ACTN4: variants seen among roughly 807,000 people sequenced by gnomAD.
The protein encoded by ACTN4 is actinin alpha 4.
In ACTN4, 18 loss-of-function variants were observed where a neutral mutation model predicts 114.2. The observed-to-expected ratio is 0.16, with a 90% CI of 0.11 to 0.23. The LOEUF is 0.23. ACTN4 is among the 10% of genes least tolerant of loss of function. The pLI is 1.00. For missense variants in ACTN4, 722 were observed against 1,262.9 expected, an observed-to-expected ratio of 0.57 and a Z score of 6.49; for synonymous variants, 515 against 506.3, an observed-to-expected ratio of 1.02 and a Z score of -0.23.
Position 38,701,072 on chromosome 19 carries a change from G to A in ACTN4, c.348G>A (p.Leu116=), listed in dbSNP as rs774920198. ...VHKINNVNKA[L]DFIASKGVKL... ...AAATCAACAATGTGAACAAAGCGCT[G>A]GACTTTATTGCCAGCAAAGGCGTCA... Residue 116 remains leucine, a synonymous_variant, in exon 3 of 21, where the codon CTG becomes CTA. Transcript: ENST00000252699. The A allele has an allele frequency of 1.2e-6, 2 of 1,613,984 alleles. No individual in the cohort carries two copies. The highest frequency in any genetic ancestry group is 1.3e-5 in the African/African-American group (1 of 74,924).
Position 38,727,873 on chromosome 19 carries a change from A to G in ACTN4, c.2338-73A>G. 1 of 1,437,700 alleles carries G rather than the reference A, an allele frequency of 7.0e-7. No individual in the cohort carries two copies. Among genetic ancestry groups the G allele is most frequent in the African/African-American group, 1.4e-5 (1 of 71,124 alleles). 89.1% of individuals were successfully genotyped at this position (1,437,700 alleles called of 1,614,324 possible). A position where few individuals can be genotyped will look rare whatever the true frequency, so the allele number is the denominator to read the frequency against. ...CGTGTCCCTTCCCCCTGCCCTCTGCATGTGACCCCGATCCCTCATCCTGGT... is the reference window on the plus strand; with the variant it reads ...CGTGTCCCTTCCCCCTGCCCTCTGCGTGTGACCCCGATCCCTCATCCTGGT... On this transcript the variant is annotated intron_variant, in intron 18 of 20. Coordinates refer to ENST00000252699, the MANE Select transcript of ACTN4 (RefSeq NM_004924.6). The surrounding 1 kb of genome is among the most constrained non-coding windows in gnomAD (Gnocchi z 5.4).
intron 1 of ACTN4, among the ~76,000 whole-genome samples, chr19:38,698,783 C>T (rs1968174074): frequency 6.6e-6 from 1 of 152,180 alleles, no homozygotes; most frequent in Admixed American, 6.5e-5. Context: ...CTCTTGCCCC[C>T]TTTCGGATTT....
chr19:38,728,935 G>A (rs1214654988), intron 19 of ACTN4, 61 bp from the exon 20 acceptor site: 2 of 1,604,906 alleles, frequency 1.2e-6, no homozygotes, highest in African/African-American at 2.7e-5. Flanking sequence ...CACCAGTGTG[G>A]GCCTGGCTGC....
At chr19:38,649,650 G>A (rs532570615) in intron 1 of ACTN4, among the ~76,000 whole-genome samples, 40 of 152,232 alleles carry the variant, frequency 2.6e-4, no homozygotes, top group African/African-American at 9.4e-4. Flanking sequence ...GTTTGGTGGA[G>A]ATTTTTCAGG....
chr19:38,730,764 A>G lies in ACTN4; in HGVS notation c.*1332A>G, dbSNP rs1006497834. The G allele has an allele frequency of 2.7e-6, 4 of 1,472,938 alleles. No homozygotes were observed. The East Asian group carries it at 9.9e-5, about 36-fold the overall frequency. 91.2% of individuals were successfully genotyped at this position (1,472,938 alleles called of 1,614,324 possible). The stretch of plus-strand genomic sequence containing the variant: ...AGCCCCAGACAGGTGGATGCCAGAG[A>G]GAGTGGCACCCATGCCAGGCAAGGC... On this transcript the variant is annotated 3_prime_UTR_variant, in exon 21 of 21. Transcript: ENST00000252699.
intron 1 of ACTN4, among the ~76,000 whole-genome samples, chr19:38,696,398 G>A (rs975222067): frequency 2.0e-5 from 3 of 152,096 alleles, no homozygotes; most frequent in Non-Finnish European, 4.4e-5. Flanking sequence ...GGAGGGCGGC[G>A]TGGTGGGCGC....
rs1969451637 is a variant in ACTN4 at position 38,730,120 on chromosome 19, CAACA to C, written c.*691_*694del. On this transcript the variant is annotated 3_prime_UTR_variant, in exon 21 of 21. Coordinates refer to ENST00000252699, the MANE Select transcript of ACTN4 (RefSeq NM_004924.6). Reference sequence around the variant, plus strand: ...AAAAAAAAGGAAAAAAAACACAAAACAACAAAAACCAAAAAAAAAAAAAATCACA... The same window carrying C: ...AAAAAAAAGGAAAAAAAACACAAAACAAAACCAAAAAAAAAAAAAATCACA... 8.5e-6 allele frequency: 1 copy of C among 117,954 alleles called. No individual in the cohort carries two copies. The highest frequency in any genetic ancestry group is 1.8e-5 in the Non-Finnish European group (1 of 54,602). 7.3% of individuals were successfully genotyped at this position (117,954 alleles called of 1,614,324 possible).
chr19:38,659,065 C>CTTTCTTTCT lies in ACTN4; in HGVS notation c.162+11161_162+11162insCTTTCTTTT, dbSNP rs1555822757. Among the ~76,000 whole-genome samples the CTTTCTTTCT allele has an allele frequency of 1.1e-3, 125 of 111,692 alleles. 3 individuals are homozygous for CTTTCTTTCT. The East Asian group carries it at 0.03, about 27-fold the overall frequency. 73.3% of individuals were successfully genotyped at this position (111,692 alleles called of 152,430 possible). ...TAACTTTTTTTTCTTCTTTTCTTTT[C>CTTTCTTTCT]TTTTTTTTTTTTTGAGACGGAGTCT... On this transcript the variant is annotated intron_variant, in intron 1 of 20. Transcript: ENST00000252699.
intron 1 of ACTN4, among the ~76,000 whole-genome samples, chr19:38,665,260 C>T (rs980391955): frequency 6.6e-6 from 1 of 152,190 alleles, no homozygotes; most frequent in African/African-American, 2.4e-5. Flanking sequence ...CCACACCCAC[C>T]TCCTCCACCA....
intron 9 of ACTN4, 50 bp downstream of exon 9, chr19:38,714,611 G>C: frequency 1.9e-6 from 3 of 1,580,470 alleles, no homozygotes; most frequent in Non-Finnish European, 1.7e-6. Flanking sequence ...TCCTCAGCCA[G>C]AGGTCACTGT....
At chr19:38,722,850 G>A (rs1332240372) in intron 12 of ACTN4, among the ~76,000 whole-genome samples, 1 of 152,188 alleles carries the variant, frequency 6.6e-6, no homozygotes, top group Non-Finnish European at 1.5e-5. Flanking sequence ...CTCTGCTCAG[G>A]AACAGGCGGT....
At chr19:38,673,046 G>A (rs1181357934) in intron 1 of ACTN4, among the ~76,000 whole-genome samples, 4 of 150,656 alleles carry the variant, frequency 2.7e-5, no homozygotes, top group African/African-American at 7.3e-5. Context: ...GGGTTCAAGC[G>A]ATTCTTCTGC....
chr19:38,715,314 T>A (rs1000538274), intron 9 of ACTN4, among the ~76,000 whole-genome samples: 1 of 152,154 alleles, frequency 6.6e-6, no homozygotes, highest in Non-Finnish European at 1.5e-5. Context: ...CTGGCCAACA[T>A]GGTGAAACCT....
intron 3 of ACTN4, 116 bp downstream of exon 3, chr19:38,701,237 C>T: frequency 6.6e-7 from 1 of 1,505,544 alleles, no homozygotes; most frequent in Non-Finnish European, 9.0e-7. Context: ...TTGGGGCACT[C>T]AGAGCCCCAG....
intron 1 of ACTN4, among the ~76,000 whole-genome samples, chr19:38,649,645 G>C (rs1312683348): frequency 2.0e-5 from 3 of 152,148 alleles, no homozygotes; most frequent in Admixed American, 2.0e-4. Flanking sequence ...AGTGAGTTTG[G>C]TGGAGATTTT....
At chr19:38,659,299 T>G (rs1485161537) in intron 1 of ACTN4, among the ~76,000 whole-genome samples, 2 of 151,964 alleles carry the variant, frequency 1.3e-5, no homozygotes, top group Non-Finnish European at 2.9e-5. Context: ...GACCTCGTAA[T>G]GCCCACCTAG....
At position 38,716,597 on chromosome 19, in the gene ACTN4, G is replaced by A. The variant is rs370876835; in HGVS notation, c.913-489G>A. Among the ~76,000 whole-genome samples, 28 of 152,376 alleles carry A rather than the reference G, an allele frequency of 1.8e-4. No homozygotes were observed. The South Asian group carries it at 5.0e-3, about 27-fold the overall frequency. On this transcript the variant is annotated intron_variant, in intron 9 of 20. Coordinates refer to ENST00000252699, the MANE Select transcript of ACTN4 (RefSeq NM_004924.6). ...CCCTGTCATCCCACCACTTTGGGAG[G>A]CTAAAGTGGGATTGCTTGAAGTTCA...
In ACTN4 at chr19:38,717,268, C is replaced by A; in HGVS notation, c.1095C>A (p.Arg365=). Residue 365 remains arginine, a synonymous_variant, in exon 10 of 21, where the codon CGC becomes CGA. Coordinates refer to ENST00000252699, the MANE Select transcript of ACTN4 (RefSeq NM_004924.6). This position sits in a 1 kb window ranked among gnomAD's most constrained non-coding sequence, Gnocchi z 4.0. Reference sequence around the variant, plus strand: ...TCAACACGCTGCAGACCAAGCTGCGCCTCAGCAACCGGCCCGCCTTCATGC... The same window carrying A: ...TCAACACGCTGCAGACCAAGCTGCGACTCAGCAACCGGCCCGCCTTCATGC... ...INFNTLQTKL[R]LSNRPAFMPS... 1.2e-6 allele frequency: 2 copies of A among 1,614,076 alleles called. No homozygotes were observed. The highest frequency in any genetic ancestry group is 2.2e-5 in the South Asian group (2 of 91,078).
chr19:38,723,530 C>A, intron 12 of ACTN4, 84 bp from the exon 13 acceptor site: 3 of 998,484 alleles, frequency 3.0e-6, no homozygotes, highest in Non-Finnish European at 4.7e-6. Flanking sequence ...AACACCCTGG[C>A]CTGGGAACCT....
Sources: allele counts gnomAD v4.1 joint callset (sites outside exome capture counted in the v4.1 genomes callset), GRCh38; gene constraint gnomAD v4.1.1; non-coding constraint Gnocchi (gnomAD v3.1); transcripts MANE v1.5; gene names NCBI Gene and HGNC (gene_info 2026-07-23, HGNC 2026-07-21).